The following FGFR1 variants were observed in gnomAD, a reference collection of about 807,000 sequenced individuals.
FGFR1 encodes fibroblast growth factor receptor 1, also known as FGFR1/PLAG1 fusion.
In FGFR1, 18 loss-of-function variants were observed where a neutral mutation model predicts 93.7. That is an observed-to-expected ratio of 0.19 (90% CI 0.13 to 0.28). The LOEUF (loss-of-function observed/expected upper bound fraction) is 0.28. Ranked by LOEUF, FGFR1 falls within the 10% of genes least tolerant of loss-of-function variation. FGFR1 has a pLI of 1.00. For synonymous variants in FGFR1, 448 were observed against 429.3 expected (o/e 1.04, Z -0.54); for missense variants, 731 against 1,080.4 (o/e 0.68, Z 4.53).
In FGFR1 at chr8:38,466,895, A is replaced by AC. The variant is rs35393411; in HGVS notation, c.-89+1085dup. 3.4e-3 allele frequency among the ~76,000 whole-genome samples: 456 copies of AC among 135,714 alleles called. 2 individuals are homozygous for AC. Among genetic ancestry groups the AC allele is most frequent in the East Asian group, 8.0e-3 (35 of 4,398 alleles). 89.0% of individuals were successfully genotyped at this position (135,714 alleles called of 152,430 possible). A position where few individuals can be genotyped will look rare whatever the true frequency, so the allele number is the denominator to read the frequency against. ...GAACAAGAAACAGGCTTCACACCCC[A>AC]CCCCCCCCCCACCACCACCAAAAAA... On this transcript the variant is annotated intron_variant, in intron 1 of 17. Coordinates refer to ENST00000447712, the MANE Select transcript of FGFR1 (RefSeq NM_023110.3).
intron 2 of FGFR1, chr8:38,435,410 G>A (rs1378581971): frequency 1.3e-5 from 2 of 152,162 alleles, no homozygotes; most frequent in African/African-American, 4.8e-5. Flanking sequence ...TGCTCTTGGT[G>A]TGTGTCAGGT....
chr8:38,451,928 GAAAC>G (rs1831199243), intron 2 of FGFR1, among the ~76,000 whole-genome samples: 1 of 151,972 alleles, frequency 6.6e-6, no homozygotes, highest in South Asian at 2.1e-4. Context: ...CTTATCATCT[GAAAC>G]CGGCTTCAGT....
chr8:38,453,454 G>GCACA (rs1831759165), intron 2 of FGFR1, among the ~76,000 whole-genome samples: 1 of 152,138 alleles, frequency 6.6e-6, no homozygotes, highest in Non-Finnish European at 1.5e-5. Context: ...TTATAAAAGG[G>GCACA]CACAAAGAGG....
chr8:38,464,146 C>T (rs1025159680), intron 1 of FGFR1, among the ~76,000 whole-genome samples: 1 of 151,924 alleles, frequency 6.6e-6, no homozygotes, highest in Non-Finnish European at 1.5e-5. Flanking sequence ...GAAACACCAT[C>T]TCTATTAAAA....
chr8:38,428,504 T>C lies in FGFR1; in HGVS notation c.359-69A>G, dbSNP rs1334664825. On this transcript the variant is annotated intron_variant, in intron 3 of 17. Transcript: ENST00000447712. Reference sequence around the variant, plus strand: ...CTAGATTTCACCAAGGCTAGTGCAGTTCCAGATGAACACGGACACCCTCCC... The same window carrying C: ...CTAGATTTCACCAAGGCTAGTGCAGCTCCAGATGAACACGGACACCCTCCC... 3 of 1,282,498 alleles carry C rather than the reference T, an allele frequency of 2.3e-6. No homozygotes were observed. The African/African-American group carries it at 4.4e-5, about 19-fold the overall frequency. 79.4% of individuals were successfully genotyped at this position (1,282,498 alleles called of 1,614,324 possible).
At chr8:38,450,427 T>G (rs147239459) in intron 2 of FGFR1, among the ~76,000 whole-genome samples, 384 of 152,200 alleles carry the variant, frequency 2.5e-3, no homozygotes, top group African/African-American at 8.6e-3. Flanking sequence ...ATTGTGAAAA[T>G]AGGGCCAGCT....
intron 2 of FGFR1, among the ~76,000 whole-genome samples, chr8:38,443,139 G>T (rs993791168): frequency 6.6e-6 from 1 of 152,206 alleles, no homozygotes; most frequent in Admixed American, 6.5e-5. Context: ...AGGTGTCAGG[G>T]AAGGTGAAAT....
chr8:38,436,092 G>A (rs1277322866), intron 2 of FGFR1, among the ~76,000 whole-genome samples: 4 of 152,138 alleles, frequency 2.6e-5, no homozygotes, highest in African/African-American at 9.7e-5. Flanking sequence ...AGTGCATTGC[G>A]GACTGGGTGC....
At position 38,412,995 on chromosome 8, in the gene FGFR1, A is replaced by ACTCTG. The variant is rs1045316726; in HGVS notation, c.*632_*633insCAGAG. The ACTCTG allele has an allele frequency of 1.3e-5, 3 of 233,068 alleles. No individual in the cohort carries two copies. The highest frequency in any genetic ancestry group is 2.2e-5 in the African/African-American group (1 of 45,250). The allele number at this position is 233,068 out of a possible 1,614,324, so 14.4% of individuals were successfully genotyped here. ...GATTTATACACTTTGTGTTTTCTTC[A>ACTCTG]TAGCTATATACAGAGCCCCCAGTTT... On this transcript the variant is annotated 3_prime_UTR_variant, in exon 18 of 18. Transcript: ENST00000447712.
intron 9 of FGFR1, among the ~76,000 whole-genome samples, chr8:38,419,095 C>T (rs527399795): frequency 2.0e-5 from 3 of 152,332 alleles, no homozygotes; most frequent in South Asian, 2.1e-4. Context: ...TCCCCAGCCA[C>T]GTGGAACTGT....
chr8:38,424,223 T>C lies in FGFR1; in HGVS notation c.936+286A>G. On this transcript the variant is annotated intron_variant, in intron 7 of 17. Transcript: ENST00000447712. The surrounding 1 kb of genome is among the most constrained non-coding windows in gnomAD (Gnocchi z 4.3). ...AAGGCAGGGGTCCAAATGCCTTCCTTGTGTAGCTGACCCCAAAGCCCCAGT... is the reference window on the plus strand; with the variant it reads ...AAGGCAGGGGTCCAAATGCCTTCCTCGTGTAGCTGACCCCAAAGCCCCAGT... The C allele has an allele frequency of 1.7e-6, 1 of 572,564 alleles. No homozygotes were observed. The highest frequency in any genetic ancestry group is 3.3e-6 in the Non-Finnish European group (1 of 302,248). The allele number at this position is 572,564 out of a possible 1,614,324, so 35.5% of individuals were successfully genotyped here.
Position 38,428,364 on chromosome 8 carries a change from T to C in FGFR1, c.430A>G (p.Thr144Ala), listed in dbSNP as rs773225979. ...GTCTCACGCATACGGTTTGGTTTGG[T>C]GTTATCTGTTTCTTTCTCCTCTGAA... ...SSSEEKETDN[T>A]KPNRMPVAPY... The change falls in exon 4 of 18, where the codon ACC (threonine) becomes GCC (alanine). Residue 144 changes from threonine to alanine, a missense_variant. Coordinates refer to ENST00000447712, the MANE Select transcript of FGFR1 (RefSeq NM_023110.3). 12 of 1,614,116 alleles carry C rather than the reference T, an allele frequency of 7.4e-6. No individual in the cohort carries two copies. The South Asian group carries it at 1.3e-4, about 18-fold the overall frequency.
chr8:38,432,806 A>G (rs1242642728), intron 2 of FGFR1, among the ~76,000 whole-genome samples: 3 of 152,112 alleles, frequency 2.0e-5, no homozygotes, highest in Non-Finnish European at 2.9e-5. Flanking sequence ...TGTACAGAGT[A>G]AAATCCACAT....
At chr8:38,464,268 T>C (rs958403142) in intron 1 of FGFR1, among the ~76,000 whole-genome samples, 1 of 128,110 alleles carries the variant, frequency 7.8e-6, no homozygotes, top group Non-Finnish European at 1.5e-5. Flanking sequence ...TGACCTGAGA[T>C]AGCGCCACAG....
At chr8:38,442,206 G>A (rs1215245116) in intron 2 of FGFR1, among the ~76,000 whole-genome samples, 1 of 152,124 alleles carries the variant, frequency 6.6e-6, no homozygotes, top group Non-Finnish European at 1.5e-5. Flanking sequence ...TGTAAGTTGG[G>A]GGGATCTAAA....
intron 2 of FGFR1, among the ~76,000 whole-genome samples, chr8:38,443,769 T>C (rs962750395): frequency 6.6e-6 from 1 of 151,914 alleles, no homozygotes; most frequent in African/African-American, 2.4e-5. Context: ...AAGAATTAGA[T>C]GGCGCTGGGC....
At chr8:38,434,514 C>T in intron 2 of FGFR1, 1 of 363,994 alleles carries the variant, frequency 2.7e-6, no homozygotes, top group Non-Finnish European at 5.3e-6. Context: ...GAAACGATCC[C>T]ATGTCTCTGA....
chr8:38,440,649 C>G (rs1196140189), intron 2 of FGFR1, among the ~76,000 whole-genome samples: 2 of 151,706 alleles, frequency 1.3e-5, no homozygotes, highest in East Asian at 3.9e-4. Context: ...GGGCCACTGC[C>G]AGAAGAGCCC....
chr8:38,429,847 T>G lies in FGFR1; in HGVS notation c.193A>C (p.Asn65His), dbSNP rs768919123. 5 of 1,614,020 alleles carry G rather than the reference T, an allele frequency of 3.1e-6. No individual in the cohort carries two copies. The Admixed American group carries it at 6.7e-5, about 22-fold the overall frequency. Residue 65 changes from asparagine to histidine, a missense_variant, in exon 3 of 18, where the codon AAC becomes CAC. By Grantham distance (68) the Asn-to-His change is moderately conservative (BLOSUM62 1). This residue lies in a region of FGFR1 where 212 missense variants were observed against 205.8 expected (regional missense o/e 1.03). Transcript: ENST00000447712. This position sits in a 1 kb window ranked among gnomAD's most constrained non-coding sequence, Gnocchi z 4.4. ...AGCTGCACCCCGTCCCGCAGCCAGT[T>G]GATGCTCTGCACATCGTCCCGCAGC... The part of the protein sequence containing the change: ...CRLRDDVQSI[N>H]WLRDGVQLAE...
Sources: allele counts gnomAD v4.1 joint callset (sites outside exome capture counted in the v4.1 genomes callset), GRCh38; gene constraint gnomAD v4.1.1; regional missense constraint gnomAD v4.1.1; non-coding constraint Gnocchi (gnomAD v3.1); transcripts MANE v1.5; gene names NCBI Gene and HGNC (gene_info 2026-07-23, HGNC 2026-07-21).